IAPP: variants seen among roughly 807,000 people sequenced by gnomAD.
The protein encoded by IAPP is Islet amyloid polypeptide (diabetes-associated peptide; amylin).
IAPP carries 4 observed loss-of-function variants against 2.9 expected under a neutral mutation model. That is an observed-to-expected ratio of 1.39 (90% CI 0.69 to 3.19). The LOEUF (loss-of-function observed/expected upper bound fraction) is 3.19, where lower values mean the gene tolerates loss of function less well. IAPP is among the 30% of genes most tolerant of loss of function. The pLI, the probability that IAPP is intolerant of heterozygous loss-of-function variation, is 0.01. For missense variants in IAPP, 114 were observed against 105.3 expected (o/e 1.08, Z -0.36); for synonymous variants, 40 against 42.1 (o/e 0.95, Z 0.19).
chr12:21,373,170 T>G, intron 1 of IAPP, 166 bp downstream of exon 1: 1 of 609,574 alleles, frequency 1.6e-6, no homozygotes, highest in Non-Finnish European at 2.9e-6. Flanking sequence ...ATCTCGAAAT[T>G]ACTTGAAAAG....
At chr12:21,355,194 C>CT (rs748408433) in intron 1 of IAPP, among the ~76,000 whole-genome samples, 1 of 152,096 alleles carries the variant, frequency 6.6e-6, no homozygotes, top group African/African-American at 2.4e-5. Context: ...TAAATCATTT[C>CT]TAGAGGAGTA....
At chr12:21,368,843 C>A, upstream of IAPP, among the ~76,000 whole-genome samples, 1 of 152,086 alleles carries the variant, frequency 6.6e-6, no homozygotes, top group South Asian at 2.1e-4. Flanking sequence ...AACTATTTTA[C>A]GATAGTGATA....
chr12:21,370,691 T>C (rs2041612), upstream of IAPP, among the ~76,000 whole-genome samples: 8,225 of 152,220 alleles, frequency 0.054, 557 homozygotes, highest in African/African-American at 0.16. Flanking sequence ...GAAAATAGAA[T>C]AAATAACAAT....
chr12:21,363,359 C>G (rs932978033), intron 1 of IAPP, among the ~76,000 whole-genome samples: 8 of 152,088 alleles, frequency 5.3e-5, no homozygotes, highest in Non-Finnish European at 1.0e-4. Context: ...AGAACAAAGA[C>G]ACAACATACC....
chr12:21,356,659 T>G (rs994319465), intron 1 of IAPP, among the ~76,000 whole-genome samples: 5 of 152,278 alleles, frequency 3.3e-5, no homozygotes, highest in Middle Eastern at 6.8e-3. Flanking sequence ...GTGTTATACA[T>G]TTCTATGCAC....
intron 2 of IAPP, among the ~76,000 whole-genome samples, chr12:21,375,477 A>C (rs1940125592): frequency 6.6e-6 from 1 of 152,230 alleles, no homozygotes; most frequent in South Asian, 2.1e-4. Context: ...TCCTCACAAA[A>C]TTTAATCATC....
At chr12:21,369,666 A>C (rs1354400620), upstream of IAPP, among the ~76,000 whole-genome samples, 1 of 152,214 alleles carries the variant, frequency 6.6e-6, no homozygotes, top group Non-Finnish European at 1.5e-5. Flanking sequence ...TTGCTAAGGA[A>C]AGATCATTTT....
chr12:21,372,204 T>C (rs1283162388), upstream of IAPP, among the ~76,000 whole-genome samples: 2 of 152,196 alleles, frequency 1.3e-5, no homozygotes, highest in Non-Finnish European at 2.9e-5. Flanking sequence ...TGTGTAAGAA[T>C]GAATGGAAAA....
intron 1 of IAPP, among the ~76,000 whole-genome samples, chr12:21,361,432 G>A (rs1938869674): frequency 6.6e-6 from 1 of 152,174 alleles, no homozygotes; most frequent in Admixed American, 6.5e-5. Context: ...CAAAGATGGG[G>A]AGAAACCAGA....
chr12:21,362,913 C>A (rs1939043154), intron 1 of IAPP, among the ~76,000 whole-genome samples: 3 of 152,152 alleles, frequency 2.0e-5, no homozygotes, highest in African/African-American at 7.2e-5. Flanking sequence ...TAGAGACCTA[C>A]AAAGAGACTT....
intron 2 of IAPP, among the ~76,000 whole-genome samples, chr12:21,377,491 GGCA>G (rs1422988226): frequency 2.6e-5 from 4 of 151,910 alleles, no homozygotes; most frequent in Non-Finnish European, 4.4e-5. Context: ...CAAAATGTTG[GGCA>G]GCAGATCTCT....
In IAPP at chr12:21,366,892, C is replaced by T. The variant is rs370027605; in HGVS notation, c.-15-6445C>T. ...TATATAAACACAAGATTAATAAAAG[C>T]GTTTTGGGAGAGGAAAGCAGAGAAA... is the stretch of plus-strand genomic sequence containing the variant. On this transcript the variant is annotated intron_variant, in intron 1 of 2. Coordinates refer to the IAPP transcript ENST00000539393. 7.2e-4 allele frequency among the ~76,000 whole-genome samples: 109 copies of T among 151,624 alleles called. 2 individuals are homozygous for T. In the South Asian group the frequency reaches 0.022, roughly 31 times the overall value.
At chr12:21,375,467 T>TCCTCA (rs1267420159) in intron 2 of IAPP, among the ~76,000 whole-genome samples, 2 of 152,248 alleles carry the variant, frequency 1.3e-5, no homozygotes, top group South Asian at 2.1e-4. Flanking sequence ...AATGTCATTT[T>TCCTCA]CCTCACAAAA....
intron 1 of IAPP, among the ~76,000 whole-genome samples, chr12:21,356,307 C>T (rs1027787498): frequency 1.3e-5 from 2 of 151,780 alleles, no homozygotes; most frequent in African/African-American, 4.8e-5. Flanking sequence ...GAAGTAAGCC[C>T]AAACATACCT....
chr12:21,361,171 C>T (rs181274602), intron 1 of IAPP, among the ~76,000 whole-genome samples: 2,869 of 152,220 alleles, frequency 0.019, 38 homozygotes, highest in Non-Finnish European at 0.03. Flanking sequence ...CGGGGGATGC[C>T]CCTCTAAGAC....
At chr12:21,359,771 C>G (rs1398984054) in intron 1 of IAPP, among the ~76,000 whole-genome samples, 1 of 151,724 alleles carries the variant, frequency 6.6e-6, no homozygotes, top group Admixed American at 6.6e-5. Context: ...AATCAATGGA[C>G]TTCTTACCTC....
At chr12:21,374,664 T>C (rs1165088481) in intron 2 of IAPP, 1 of 152,232 alleles carries the variant, frequency 6.6e-6, no homozygotes, top group Non-Finnish European at 1.5e-5. Context: ...TAAAATGACA[T>C]GAAGTTTCTG....
At chr12:21,361,328 C>T (rs1591880504) in intron 1 of IAPP, among the ~76,000 whole-genome samples, 1 of 152,334 alleles carries the variant, frequency 6.6e-6, no homozygotes, top group African/African-American at 2.4e-5. Flanking sequence ...AGGGTCCTGA[C>T]TGTTAGAAGG....
intron 2 of IAPP, among the ~76,000 whole-genome samples, chr12:21,375,339 TC>T (rs1940112767): frequency 6.6e-6 from 1 of 152,194 alleles, no homozygotes; most frequent in African/African-American, 2.4e-5. Context: ...GTATGATTTG[TC>T]ATGCTGAGAT....
Sources: allele counts gnomAD v4.1 joint callset (sites outside exome capture counted in the v4.1 genomes callset), GRCh38; gene constraint gnomAD v4.1.1; transcripts MANE v1.5; gene names NCBI Gene and HGNC (gene_info 2026-07-23, HGNC 2026-07-21).